The following SVIL variants were observed in gnomAD, a reference collection of about 807,000 sequenced individuals.
SVIL encodes supervillin, also known as archvillin.
A neutral mutation model predicts 240.4 loss-of-function variants in SVIL; 101 were observed. The ratio of observed to expected loss-of-function variants is 0.42; its 90% CI spans 0.36 to 0.50. The LOEUF is 0.50. Among genes scored for constraint, SVIL ranks in the 20% least tolerant of loss-of-function variants. SVIL has a pLI of 0.01. For synonymous variants in SVIL, 999 were observed against 1,100.0 expected (o/e 0.91, Z 1.82); for missense variants, 2,512 against 2,818.7 (o/e 0.89, Z 2.46).
chr10:29,465,868 T>A (rs1944849889), intron 33 of SVIL, 118 bp from the exon 34 acceptor site: 1 of 1,327,242 alleles, frequency 7.5e-7, no homozygotes, highest in Non-Finnish European at 1.0e-6. Context: ...AGGTAGGATT[T>A]ATCTGAGCTT....
At chr10:29,562,026 A>G (rs1954523623) in intron 3 of SVIL, among the ~76,000 whole-genome samples, 1 of 152,216 alleles carries the variant, frequency 6.6e-6, no homozygotes, top group African/African-American at 2.4e-5. Context: ...ATATATTCCA[A>G]TTCGTCAGTG....
intron 7 of SVIL, among the ~76,000 whole-genome samples, chr10:29,534,695 G>A (rs1951618506): frequency 6.6e-6 from 1 of 152,202 alleles, no homozygotes; most frequent in East Asian, 1.9e-4. Context: ...GCTCAGTCAG[G>A]TTGAGCTGTG....
At position 29,735,635 on chromosome 10, in the gene SVIL, A is replaced by T. The variant is rs1274239806; in HGVS notation, c.-400+116T>A. Reference sequence around the variant, plus strand: ...GTCCCCGGCAGGGCCTCCCGCAGCCAGAGCGAGACTGACCCGCGCCTCCCG... The same window carrying T: ...GTCCCCGGCAGGGCCTCCCGCAGCCTGAGCGAGACTGACCCGCGCCTCCCG... On this transcript the variant is annotated intron_variant, in intron 1 of 35. Coordinates refer to the SVIL transcript ENST00000375400. This position sits in a 1 kb window ranked among gnomAD's most constrained non-coding sequence, Gnocchi z 4.1. The T allele has an allele frequency of 6.6e-6, 1 of 151,468 alleles. No individual in the cohort carries two copies. Among genetic ancestry groups the T allele is most frequent in the Non-Finnish European group, 1.5e-5 (1 of 67,832 alleles). 9.4% of individuals were successfully genotyped at this position (151,468 alleles called of 1,614,324 possible).
intron 3 of SVIL, among the ~76,000 whole-genome samples, chr10:29,654,107 A>C (rs1958924947): frequency 6.6e-6 from 1 of 152,172 alleles, no homozygotes; most frequent in Non-Finnish European, 1.5e-5. Context: ...CAGAGATTGC[A>C]TTAAATCTGT....
intron 2 of SVIL, among the ~76,000 whole-genome samples, chr10:29,563,932 G>T (rs560699053): frequency 2.4e-4 from 36 of 149,894 alleles, no homozygotes; most frequent in African/African-American, 8.7e-4. Flanking sequence ...TTTCCCCCAT[G>T]TATCTCCTTA....
chr10:29,477,824 A>T (rs1433889048), intron 29 of SVIL, among the ~76,000 whole-genome samples: 1 of 152,202 alleles, frequency 6.6e-6, no homozygotes, highest in Non-Finnish European at 1.5e-5. Flanking sequence ...CATTGTGTTC[A>T]TTGGGAAGAA....
chr10:29,488,105 A>G (rs545268402), intron 23 of SVIL, among the ~76,000 whole-genome samples: 52 of 152,242 alleles, frequency 3.4e-4, no homozygotes, highest in Non-Finnish European at 6.5e-4. Flanking sequence ...GAAGGGCACT[A>G]GAGCGGAATG....
intron 35 of SVIL, 82 bp downstream of exon 35, chr10:29,463,410 G>T: frequency 6.7e-7 from 1 of 1,503,718 alleles, no homozygotes; most frequent in South Asian, 1.3e-5. Flanking sequence ...TGCACAGAAG[G>T]GGAAGGGGGT....
chr10:29,458,544 C>T lies in SVIL; in HGVS notation c.6448G>A (p.Ala2150Thr), dbSNP rs370325744. Residue 2150 changes from alanine (A) to threonine (T), a missense_variant, in exon 37 of 38, where the codon GCC becomes ACC. Ala to Thr is a moderately conservative substitution (Grantham distance 58). Transcript: ENST00000355867. ...GGGTAAATGGTTTTACAGAGCTTGG[C>T]TAAGACGTCTTCCACGAGGGTGATC... ...NQITLVEDVL[A>T]KLCKTIYPLA... 9 of 1,611,576 alleles carry T rather than the reference C, an allele frequency of 5.6e-6. No individual in the cohort carries two copies. The African/African-American group carries it at 1.2e-4, about 22-fold the overall frequency.
chr10:29,529,839 C>T lies in SVIL; in HGVS notation c.2112G>A (p.Met704Ile), dbSNP rs777595864. The T allele has an allele frequency of 6.2e-7, 1 of 1,609,168 alleles. No homozygotes were observed. Among genetic ancestry groups the T allele is most frequent in the Non-Finnish European group, 8.5e-7 (1 of 1,178,270 alleles). Reference protein sequence around the residue: ...VAAKRLLFREMEKSFDEQNVP... With the variant: ...VAAKRLLFREIEKSFDEQNVP... ...CATTTTGTTCATCAAAAGATTTTTC[C>T]ATCTCCTAAGATTAGAAGTATTGTG... The change falls in exon 12 of 38, where the codon ATG becomes ATA. Residue 704 changes from methionine (M) to isoleucine (I), a missense_variant. Met to Ile is a conservative substitution (Grantham distance 10). Around this residue, in one of 3 missense-constraint regions of SVIL, gnomAD observed 1,443 missense variants for 1,486.6 expected, o/e 0.97. Transcript: ENST00000355867.
intron 1 of SVIL, among the ~76,000 whole-genome samples, chr10:29,629,356 A>G (rs1211477706): frequency 1.3e-5 from 2 of 152,144 alleles, no homozygotes; most frequent in Admixed American, 6.5e-5. Flanking sequence ...GGCACGTGGC[A>G]AAGAATTAAC....
At chr10:29,536,911 CAAAA>C (rs59133069) in intron 6 of SVIL, among the ~76,000 whole-genome samples, 1 of 89,874 alleles carries the variant, frequency 1.1e-5, no homozygotes, top group African/African-American at 4.6e-5. Flanking sequence ...GACTCTGTCA[CAAAA>C]AAAAAAAAAA....
At chr10:29,662,739 G>A (rs896496565) in intron 2 of SVIL, among the ~76,000 whole-genome samples, 1 of 152,130 alleles carries the variant, frequency 6.6e-6, no homozygotes, top group Admixed American at 6.6e-5. Flanking sequence ...TGGGAAGCTG[G>A]CATTAGAAGA....
Position 29,598,881 on chromosome 10 carries a change from T to C in SVIL, c.-200-29569A>G, listed in dbSNP as rs138629504. On this transcript the variant is annotated intron_variant, in intron 1 of 37. Coordinates refer to ENST00000355867, the MANE Select transcript of SVIL (RefSeq NM_021738.3). The stretch of plus-strand genomic sequence containing the variant: ...GAGTGAAGCGAGAAAGAAAAGAAGA[T>C]TGAAACAAGATTCTCACTACATTCT... Among the ~76,000 whole-genome samples, 12 of 152,270 alleles carry C rather than the reference T, an allele frequency of 7.9e-5. No homozygotes were observed. The East Asian group carries it at 2.1e-3, about 27-fold the overall frequency.
At chr10:29,631,418 CAGAT>C (rs1958087055) in intron 1 of SVIL, among the ~76,000 whole-genome samples, 1 of 101,668 alleles carries the variant, frequency 9.8e-6, no homozygotes, top group African/African-American at 2.8e-5. Context: ...CCGAGGTGGG[CAGAT>C]CATGAGGTCA....
chr10:29,734,376 G>A (rs546220307), intron 1 of SVIL, among the ~76,000 whole-genome samples: 25 of 152,208 alleles, frequency 1.6e-4, no homozygotes, highest in African/African-American at 5.8e-4. Context: ...TCCATAAAGC[G>A]CTCTTCAGTA....
intron 1 of SVIL, among the ~76,000 whole-genome samples, chr10:29,622,535 G>A (rs1008820259): frequency 6.6e-6 from 1 of 152,116 alleles, no homozygotes; most frequent in South Asian, 2.1e-4. Context: ...GGCACAGTTC[G>A]CTGGGTAATC....
intron 29 of SVIL, 150 bp from the exon 30 acceptor site, chr10:29,474,139 A>G (rs1945904775): frequency 9.2e-7 from 1 of 1,083,586 alleles, no homozygotes. Flanking sequence ...ACCTGGAGGG[A>G]AGGCTGGTCA....
At chr10:29,571,349 G>A (rs1230915068) in intron 1 of SVIL, among the ~76,000 whole-genome samples, 4 of 152,328 alleles carry the variant, frequency 2.6e-5, no homozygotes, top group Admixed American at 6.5e-5. Context: ...CTCTGGTTAA[G>A]GAGACAGTGC....
Sources: gnomAD v4.1 joint callset for allele counts (sites outside exome capture counted in the v4.1 genomes callset) on GRCh38, gnomAD v4.1.1 for gene constraint, gnomAD v4.1.1 regional missense constraint, Gnocchi (gnomAD v3.1) non-coding constraint, MANE v1.5 for transcripts, NCBI Gene and HGNC (gene_info 2026-07-23, HGNC 2026-07-21) for gene names.